OSBPL8: variants seen among roughly 807,000 people sequenced by gnomAD.
OSBPL8 encodes the protein oxysterol-binding protein-related protein 8.
Under a neutral mutation model 125.5 loss-of-function variants are expected in OSBPL8, and 59 were observed. That is an observed-to-expected ratio of 0.47 (90% CI 0.38 to 0.58). OSBPL8 has a LOEUF of 0.58. OSBPL8 is among the 20% of genes least tolerant of loss of function. The pLI is 0.00. For synonymous variants in OSBPL8, 330 were observed against 338.9 expected, an observed-to-expected ratio of 0.97 and a Z score of 0.29; for missense variants, 758 against 1,047.8, an observed-to-expected ratio of 0.72 and a Z score of 3.82.
chr12:76,367,933 T>G (rs1053313880), intron 21 of OSBPL8, among the ~76,000 whole-genome samples: 1 of 152,262 alleles, frequency 6.6e-6, no homozygotes, highest in Non-Finnish European at 1.5e-5. Flanking sequence ...TTTCATTCAT[T>G]TATTTTTTAA....
intron 2 of OSBPL8, among the ~76,000 whole-genome samples, chr12:76,486,592 C>A (rs1185744908): frequency 6.6e-6 from 1 of 152,156 alleles, no homozygotes; most frequent in Non-Finnish European, 1.5e-5. Context: ...AAAAAAATGA[C>A]AAATCATCAT....
intron 6 of OSBPL8, among the ~76,000 whole-genome samples, chr12:76,400,602 TA>T (rs1473637026): frequency 6.6e-6 from 1 of 152,130 alleles, no homozygotes; most frequent in Non-Finnish European, 1.5e-5. Context: ...TCTAGTATTC[TA>T]AAGAGGTTTA....
At chr12:76,379,931 C>G (rs1240732513) in intron 15 of OSBPL8, among the ~76,000 whole-genome samples, 2 of 152,200 alleles carry the variant, frequency 1.3e-5, no homozygotes, top group Non-Finnish European at 2.9e-5. Flanking sequence ...ACAATCATTT[C>G]TCCCATGTCA....
At chr12:76,460,404 A>G (rs1474197824) in intron 2 of OSBPL8, among the ~76,000 whole-genome samples, 1 of 152,068 alleles carries the variant, frequency 6.6e-6, no homozygotes, top group Non-Finnish European at 1.5e-5. Flanking sequence ...AGAGTAAGGA[A>G]CATTTATTGA....
At chr12:76,478,978 G>A (rs142843164) in intron 2 of OSBPL8, among the ~76,000 whole-genome samples, 1,720 of 152,200 alleles carry the variant, frequency 0.011, 33 homozygotes, top group African/African-American at 0.039. Flanking sequence ...CCAGCTGCTC[G>A]GGAGGCTGAG....
At chr12:76,431,112 A>C (rs1049475470) in intron 4 of OSBPL8, among the ~76,000 whole-genome samples, 3 of 152,138 alleles carry the variant, frequency 2.0e-5, no homozygotes, top group Non-Finnish European at 4.4e-5. Flanking sequence ...TCAATTACAT[A>C]AGTATGAGGT....
intron 4 of OSBPL8, 26 bp downstream of exon 4, chr12:76,450,825 A>C (rs1191665257): frequency 1.3e-6 from 2 of 1,576,558 alleles, no homozygotes; most frequent in East Asian, 4.6e-5. Context: ...AAAACAAGAC[A>C]AAACATGAAA....
chr12:76,398,363 G>T (rs1420297942), intron 7 of OSBPL8, among the ~76,000 whole-genome samples: 2 of 152,150 alleles, frequency 1.3e-5, no homozygotes, highest in South Asian at 2.1e-4. Context: ...GGTAGGAAGA[G>T]AAAATAACTT....
chr12:76,427,086 T>C (rs1265097838), intron 4 of OSBPL8, among the ~76,000 whole-genome samples: 1 of 152,162 alleles, frequency 6.6e-6, no homozygotes, highest in Non-Finnish European at 1.5e-5. Flanking sequence ...TAGCCAAAGA[T>C]GTACCATAGT....
At position 76,352,692 on chromosome 12, in the gene OSBPL8, T is replaced by A. The variant is rs1013329555; in HGVS notation, c.*3197A>T. The A allele has an allele frequency of 8.5e-5, 13 of 152,570 alleles. No homozygotes were observed. The highest frequency in any genetic ancestry group is 2.9e-4 in the African/African-American group (12 of 41,464). The allele number at this position is 152,570 out of a possible 1,614,324, so 9.5% of individuals were successfully genotyped here. The stretch of plus-strand genomic sequence containing the variant: ...GGCTTATCAATAATGCCATCATCAC[T>A]GTATGTCAAACAACCTCACTGCTTA... On this transcript the variant is annotated 3_prime_UTR_variant, in exon 24 of 24. Coordinates refer to ENST00000261183, the MANE Select transcript of OSBPL8 (RefSeq NM_020841.5).
chr12:76,526,635 C>CTTTTTTTTTTTTTTTT (rs573409160), intron 1 of OSBPL8, among the ~76,000 whole-genome samples: 2 of 64,244 alleles, frequency 3.1e-5, no homozygotes, highest in African/African-American at 1.1e-4. Flanking sequence ...CAGTAAATCT[C>CTTTTTTTTTTTTTTTT]TTTTTTTTTT....
intron 1 of OSBPL8, among the ~76,000 whole-genome samples, chr12:76,548,910 A>G (rs1238164452): frequency 2.6e-5 from 4 of 152,206 alleles, no homozygotes; most frequent in East Asian, 1.9e-4. Flanking sequence ...AAACAAACAT[A>G]AAAACTGACC....
intron 6 of OSBPL8, among the ~76,000 whole-genome samples, chr12:76,401,972 C>T (rs1376796306): frequency 4.6e-5 from 7 of 152,096 alleles, no homozygotes; most frequent in African/African-American, 1.7e-4. Context: ...TAAAAACTAA[C>T]AAAATCTTCC....
intron 1 of OSBPL8, among the ~76,000 whole-genome samples, chr12:76,503,778 C>T (rs1279116312): frequency 2.0e-5 from 3 of 152,032 alleles, no homozygotes; most frequent in East Asian, 1.9e-4. Flanking sequence ...CTCCTGACCT[C>T]GTGATCCACC....
chr12:76,392,626 T>C lies in OSBPL8; in HGVS notation c.884A>G (p.Tyr295Cys), dbSNP rs1216795631. 7.4e-6 allele frequency: 12 copies of C among 1,613,902 alleles called. No homozygotes were observed. The highest frequency in any genetic ancestry group is 8.5e-6 in the Non-Finnish European group (10 of 1,179,912). Residue 295 changes from tyrosine (Y) to cysteine (C), a missense_variant, in exon 10 of 24, where the codon TAT becomes TGT. Physicochemically the swap from Tyr to Cys is radical, Grantham distance 194 (BLOSUM62 -2). Transcript: ENST00000261183. ...VSSDSTHVTF[Y>C]GLLRANNLHS... ...GAGATTGTTAGCACGTAGTAAGCCA[T>C]AGAAAGTCACATGTGTGCTATCTGA...
At chr12:76,403,602 A>G (rs1954137638) in intron 5 of OSBPL8, among the ~76,000 whole-genome samples, 1 of 152,244 alleles carries the variant, frequency 6.6e-6, no homozygotes, top group African/African-American at 2.4e-5. Flanking sequence ...TTATTTTGGA[A>G]AAACAAAATT....
intron 9 of OSBPL8, among the ~76,000 whole-genome samples, chr12:76,393,448 C>T (rs1312196085): frequency 6.6e-6 from 1 of 152,090 alleles, no homozygotes; most frequent in Non-Finnish European, 1.5e-5. Flanking sequence ...CGGTGGCTCA[C>T]GCCCGTAATC....
chr12:76,524,292 A>G (rs1395877501), intron 1 of OSBPL8, among the ~76,000 whole-genome samples: 2 of 152,228 alleles, frequency 1.3e-5, no homozygotes, highest in Non-Finnish European at 2.9e-5. Context: ...AAAACTATGT[A>G]CAAATTTAAA....
intron 2 of OSBPL8, among the ~76,000 whole-genome samples, chr12:76,483,847 G>A (rs763085653): frequency 5.3e-5 from 8 of 151,372 alleles, no homozygotes; most frequent in Admixed American, 1.3e-4. Flanking sequence ...GCTAATTTTT[G>A]TATTTTTAGT....
Sources: allele counts gnomAD v4.1 joint callset (sites outside exome capture counted in the v4.1 genomes callset), GRCh38; gene constraint gnomAD v4.1.1; transcripts MANE v1.5; gene names NCBI Gene and HGNC (gene_info 2026-07-23, HGNC 2026-07-21).